Variants in CKAP2 observed in about 807,000 individuals in gnomAD.
The protein encoded by CKAP2 is cytoskeleton-associated protein 2.
In CKAP2, 46 loss-of-function variants were observed where a neutral mutation model predicts 58.4. The ratio of observed to expected loss-of-function variants is 0.79; its 90% CI spans 0.62 to 1.01. CKAP2 has a LOEUF of 1.01. CKAP2 is among the 50% of genes least tolerant of loss of function. The probability of loss-of-function intolerance (pLI) is 0.00; values close to 1 mark genes in which losing one functional copy is unlikely to be tolerated. For missense variants in CKAP2, 809 were observed against 796.4 expected (o/e 1.02, Z -0.19); for synonymous variants, 293 against 280.9 (o/e 1.04, Z -0.43).
At position 52,465,375 on chromosome 13, in the gene CKAP2, T is replaced by G; in HGVS notation, c.1386T>G (p.Tyr462Ter). The G allele has an allele frequency of 3.1e-6, 5 of 1,613,370 alleles. No homozygotes were observed. The highest frequency in any genetic ancestry group is 4.2e-6 in the Non-Finnish European group (5 of 1,179,442). The stretch of plus-strand genomic sequence containing the variant: ...CAGATGCCAAAAAGCTTGTTAAGTA[T>G]TGGATATGTCTTGCACTTATTGAAC... ...NIPDAKKLVK[Y>*]WICLALIEPI... Residue 462 changes from tyrosine to a stop codon, truncating the protein, a stop_gained, in exon 6 of 9, where the codon TAT (tyrosine) becomes TAG (stop). Transcript: ENST00000258607. LOFTEE classifies it high-confidence loss of function.
At chr13:52,456,020 C>T (rs1388323092) in intron 1 of CKAP2, 6 of 1,053,980 alleles carry the variant, frequency 5.7e-6, no homozygotes, top group Non-Finnish European at 6.8e-6. Context: ...CGAATTTCTG[C>T]AGGGCTGGGG....
Position 52,473,847 on chromosome 13 carries a change from C to A in CKAP2, c.1565C>A (p.Ser522Tyr). ...KANLGENMEK[S>Y]CASKEEVKEV... ...TCTATAGGAGAAAATATGGAGAAGT[C>A]TTGTGCAAGCAAGGAAGAAGTCAAA... is the stretch of plus-strand genomic sequence containing the variant. Residue 522 changes from serine (S) to tyrosine (Y), a missense_variant, in exon 8 of 9, where the codon TCT (serine) becomes TAT (tyrosine). Ser to Tyr is a moderately radical substitution (Grantham distance 144). Transcript: ENST00000258607. The A allele has an allele frequency of 1.2e-6, 2 of 1,609,026 alleles. No individual in the cohort carries two copies. The highest frequency in any genetic ancestry group is 2.2e-5 in the South Asian group (2 of 89,912).
At chr13:52,465,515 C>A in intron 6 of CKAP2, 50 bp downstream of exon 6, 2 of 1,500,776 alleles carry the variant, frequency 1.3e-6, no homozygotes, top group Non-Finnish European at 9.2e-7. Context: ...GTAGACAATT[C>A]GGAATTAATT....
intron 2 of CKAP2, among the ~76,000 whole-genome samples, chr13:52,459,804 G>A (rs1258213707): frequency 1.3e-5 from 2 of 152,140 alleles, no homozygotes; most frequent in African/African-American, 2.4e-5. Context: ...GTTTATAGCT[G>A]TAAAAATAAG....
chr13:52,464,721 C>T (rs1237717585), intron 5 of CKAP2, among the ~76,000 whole-genome samples: 1 of 152,140 alleles, frequency 6.6e-6, no homozygotes, highest in Non-Finnish European at 1.5e-5. Context: ...TTCCTGACTG[C>T]TCTTTAATCT....
At chr13:52,470,408 A>T (rs773211329) in intron 7 of CKAP2, among the ~76,000 whole-genome samples, 20 of 152,100 alleles carry the variant, frequency 1.3e-4, no homozygotes, top group Non-Finnish European at 2.8e-4. Flanking sequence ...CCCGGCCAAC[A>T]GTTTGAACTT....
chr13:52,471,476 A>G (rs571985027), intron 7 of CKAP2, among the ~76,000 whole-genome samples: 43 of 152,288 alleles, frequency 2.8e-4, no homozygotes, highest in Non-Finnish European at 5.6e-4. Context: ...CAGCAAAAGA[A>G]CATAAGTGGT....
In CKAP2 at chr13:52,473,835, A is replaced by ATTTTCTCC; in HGVS notation, c.1554_1555insTTTCTCCT (p.Met519PhefsTer26). 6.3e-7 allele frequency: 1 copy of ATTTTCTCC among 1,598,586 alleles called. No homozygotes were observed. The highest frequency in any genetic ancestry group is 8.5e-7 in the Non-Finnish European group (1 of 1,174,256). ...ATAAATGTATTTTCTATAGGAGAAA[A>ATTTTCTCC]TATGGAGAAGTCTTGTGCAAGCAAG... On this transcript the variant is annotated frameshift_variant, in exon 8 of 9. Coordinates refer to ENST00000258607, the MANE Select transcript of CKAP2 (RefSeq NM_018204.5). LOFTEE classifies it high-confidence loss of function.
At chr13:52,458,527 A>G (rs1217140764) in intron 2 of CKAP2, among the ~76,000 whole-genome samples, 1 of 152,234 alleles carries the variant, frequency 6.6e-6, no homozygotes, top group African/African-American at 2.4e-5. Context: ...GAAAATTCTA[A>G]AACGCTTCAT....
Position 52,471,354 on chromosome 13 carries a change from A to G in CKAP2, c.1547-2475A>G, listed in dbSNP as rs558614876. On this transcript the variant is annotated intron_variant, in intron 7 of 8. Transcript: ENST00000258607. The stretch of plus-strand genomic sequence containing the variant: ...TACTAGTTGGTGTTTTCTAGCAGGT[A>G]TCATTAGTCTTTAGATGGGGGAAGG... 3.9e-5 allele frequency among the ~76,000 whole-genome samples: 6 copies of G among 152,290 alleles called. No homozygotes were observed. The South Asian group carries it at 1.2e-3, about 32-fold the overall frequency.
At chr13:52,460,602 G>A (rs1385089847) in intron 2 of CKAP2, among the ~76,000 whole-genome samples, 1 of 148,232 alleles carries the variant, frequency 6.7e-6, no homozygotes, top group Non-Finnish European at 1.5e-5. Context: ...ACAAGCGCCC[G>A]CCACCATGCC....
In CKAP2 at chr13:52,455,583, C is replaced by T; in HGVS notation, c.27C>T (p.Asp9=). ...TGAGCACACCGGCCGTGCCCCAGGA[C>T]CTGCAGCTGCCCCCGAGTCAGAGGG... MSTPAVPQ[D]LQLPPSQRAQ... The change falls in exon 1 of 9, where the codon GAC becomes GAT. Residue 9 remains aspartate, a synonymous_variant. Transcript: ENST00000258607. 4 of 1,612,318 alleles carry T rather than the reference C, an allele frequency of 2.5e-6. No individual in the cohort carries two copies. The highest frequency in any genetic ancestry group is 2.5e-6 in the Non-Finnish European group (3 of 1,179,576).
Position 52,455,594 on chromosome 13 carries a change from CCCCG to C in CKAP2, c.39_42del (p.Pro14ValfsTer21). On this transcript the variant is annotated frameshift_variant, in exon 1 of 9. Coordinates refer to ENST00000258607, the MANE Select transcript of CKAP2 (RefSeq NM_018204.5). LOFTEE classifies it high-confidence loss of function. ...GCCGTGCCCCAGGACCTGCAGCTGC[CCCCG>C]AGTCAGAGGGCGCAGTCCGCATTCA... is the stretch of plus-strand genomic sequence containing the variant. 1 of 1,612,048 alleles carries C rather than the reference CCCCG, an allele frequency of 6.2e-7. No individual in the cohort carries two copies. The highest frequency in any genetic ancestry group is 8.5e-7 in the Non-Finnish European group (1 of 1,179,500).
intron 7 of CKAP2, among the ~76,000 whole-genome samples, chr13:52,471,218 C>T (rs567907829): frequency 7.9e-5 from 12 of 152,140 alleles, no homozygotes; most frequent in African/African-American, 1.2e-4. Context: ...AAGACAGCGA[C>T]GTGGAAATTC....
rs1958830078 is a variant in CKAP2 at position 52,476,426 on chromosome 13, T to C, written c.*1285T>C. 6.6e-6 allele frequency: 1 copy of C among 152,254 alleles called. No homozygotes were observed. Among genetic ancestry groups the C allele is most frequent in the African/African-American group, 2.4e-5 (1 of 41,470 alleles). 9.4% of individuals were successfully genotyped at this position (152,254 alleles called of 1,614,324 possible). A position where few individuals can be genotyped will look rare whatever the true frequency, so the allele number is the denominator to read the frequency against. ...CACAGTGAATGAATTTTAGCTTTGCTTTTGAAATACATTGTAAGATTTGAC... is the reference window on the plus strand; with the variant it reads ...CACAGTGAATGAATTTTAGCTTTGCCTTTGAAATACATTGTAAGATTTGAC... On this transcript the variant is annotated 3_prime_UTR_variant, in exon 9 of 9. Coordinates refer to ENST00000258607, the MANE Select transcript of CKAP2 (RefSeq NM_018204.5).
chr13:52,458,620 T>C (rs1414972072), intron 2 of CKAP2, among the ~76,000 whole-genome samples: 8 of 152,180 alleles, frequency 5.3e-5, no homozygotes, highest in Admixed American at 3.9e-4. Context: ...CCCAGCACTT[T>C]GGGAGGCTGA....
rs993322464 is a variant in CKAP2, at chr13:52,461,767, C to G, written c.941C>G (p.Ser314Ter). 1 of 1,613,972 alleles carries G rather than the reference C, an allele frequency of 6.2e-7. No homozygotes were observed. The highest frequency in any genetic ancestry group is 1.3e-5 in the African/African-American group (1 of 75,030). ...SQGIIRNKTLSRSIASEVIAR... is the reference protein window; with the variant it reads ...SQGIIRNKTL ...GGTATAATAAGAAATAAGACTCTATCAAGATCCATAGCATCTGAAGTTATA... is the reference window on the plus strand; with the variant it reads ...GGTATAATAAGAAATAAGACTCTATGAAGATCCATAGCATCTGAAGTTATA... Residue 314 changes from serine (S) to a stop codon, truncating the protein, a stop_gained, in exon 4 of 9, where the codon TCA becomes TGA. Transcript: ENST00000258607. LOFTEE classifies it high-confidence loss of function.
chr13:52,459,994 G>A (rs1424296003), intron 2 of CKAP2, among the ~76,000 whole-genome samples: 1 of 151,792 alleles, frequency 6.6e-6, no homozygotes, highest in Non-Finnish European at 1.5e-5. Flanking sequence ...CAAGTAGCTG[G>A]GACTATGGCA....
At chr13:52,459,963 C>A (rs948397497) in intron 2 of CKAP2, among the ~76,000 whole-genome samples, 6 of 152,116 alleles carry the variant, frequency 3.9e-5, no homozygotes, top group African/African-American at 1.4e-4. Context: ...CAGGCTCAAG[C>A]AGTCCTCCAC....
Sources: allele counts gnomAD v4.1 joint callset (sites outside exome capture counted in the v4.1 genomes callset), GRCh38; gene constraint gnomAD v4.1.1; transcripts MANE v1.5; gene names NCBI Gene and HGNC (gene_info 2026-07-23, HGNC 2026-07-21).